Variants in BCAT1 observed in about 807,000 individuals in gnomAD.
BCAT1 encodes the protein branched chain amino acid transaminase 1.
A neutral mutation model predicts 52.4 loss-of-function variants in BCAT1; 48 were observed. That is an observed-to-expected ratio of 0.92 (90% CI 0.73 to 1.16). BCAT1 has a LOEUF of 1.16. BCAT1 is among the 50% of genes most tolerant of loss of function. The pLI is 0.00. For synonymous variants in BCAT1, 167 were observed against 161.3 expected, an observed-to-expected ratio of 1.04 and a Z score of -0.27; for missense variants, 451 against 457.1, an observed-to-expected ratio of 0.99 and a Z score of 0.12.
At chr12:24,835,398 A>G (rs974030971) in intron 8 of BCAT1, among the ~76,000 whole-genome samples, 2 of 152,182 alleles carry the variant, frequency 1.3e-5, no homozygotes, top group African/African-American at 4.8e-5. Context: ...CTTTGACCAC[A>G]GTAAGCTCAA....
chr12:24,887,875 T>A lies in BCAT1; in HGVS notation c.279+6400A>T, dbSNP rs564173173. Among the ~76,000 whole-genome samples the A allele has an allele frequency of 2.0e-4, 30 of 152,312 alleles. No individual in the cohort carries two copies. The East Asian group carries it at 5.6e-3, about 28-fold the overall frequency. On this transcript the variant is annotated intron_variant, in intron 3 of 10. Transcript: ENST00000261192. Reference sequence around the variant, plus strand: ...ATCACTATTTGAAACTTTCAGATATTAAAAATTACTTTCAGATATTAACAG... The same window carrying A: ...ATCACTATTTGAAACTTTCAGATATAAAAAATTACTTTCAGATATTAACAG...
intron 1 of BCAT1, among the ~76,000 whole-genome samples, chr12:24,916,872 C>T (rs1943418502): frequency 6.6e-6 from 1 of 152,146 alleles, no homozygotes; most frequent in African/African-American, 2.4e-5. Context: ...ATGCAAATAA[C>T]TATATTGCCA....
At chr12:24,911,059 G>C (rs1385465701) in intron 1 of BCAT1, among the ~76,000 whole-genome samples, 1 of 150,516 alleles carries the variant, frequency 6.6e-6, no homozygotes, top group East Asian at 1.9e-4. Flanking sequence ...AGCCAAGATC[G>C]CACTACTGAC....
chr12:24,868,373 G>A (rs945692539), intron 5 of BCAT1, among the ~76,000 whole-genome samples: 2 of 152,098 alleles, frequency 1.3e-5, no homozygotes, highest in African/African-American at 4.8e-5. Flanking sequence ...AAAATGAAAA[G>A]ATCTCCAAGA....
At chr12:24,834,773 G>A in intron 8 of BCAT1, 15 of 1,156,024 alleles carry the variant, frequency 1.3e-5, no homozygotes, top group South Asian at 1.8e-5. Context: ...CAGAAAATCA[G>A]GCAAATTAAT....
At chr12:24,889,431 C>T (rs1565484277) in intron 3 of BCAT1, among the ~76,000 whole-genome samples, 1 of 152,200 alleles carries the variant, frequency 6.6e-6, no homozygotes, top group Non-Finnish European at 1.5e-5. Context: ...TATTTCCAGT[C>T]CCCCATGCTC....
intron 6 of BCAT1, among the ~76,000 whole-genome samples, chr12:24,842,557 T>G (rs1591798090): frequency 1.3e-5 from 2 of 152,172 alleles, no homozygotes; most frequent in East Asian, 3.8e-4. Flanking sequence ...CAATTTTACA[T>G]GAATTATTTC....
At chr12:24,923,992 G>A (rs539799575) in intron 1 of BCAT1, among the ~76,000 whole-genome samples, 1 of 152,294 alleles carries the variant, frequency 6.6e-6, no homozygotes, top group South Asian at 2.1e-4. Context: ...AACAATACAA[G>A]TTGATTTTTC....
At chr12:24,903,081 C>G in intron 1 of BCAT1, 1 of 1,384,008 alleles carries the variant, frequency 7.2e-7, no homozygotes, top group Non-Finnish European at 9.3e-7. Context: ...CAAGCCCCGG[C>G]GCACGGCCCA....
intron 8 of BCAT1, chr12:24,833,994 T>A: frequency 4.1e-6 from 1 of 246,534 alleles, no homozygotes; most frequent in Non-Finnish European, 6.5e-6. Context: ...CTAGGTTTTA[T>A]ATTTTATATT....
chr12:24,853,460 G>C (rs1464194118), intron 5 of BCAT1, among the ~76,000 whole-genome samples: 2 of 152,054 alleles, frequency 1.3e-5, no homozygotes, highest in South Asian at 2.1e-4. Flanking sequence ...AGAGGGGGAG[G>C]GGAAAAGTGT....
intron 5 of BCAT1, among the ~76,000 whole-genome samples, chr12:24,855,611 C>T (rs1438116569): frequency 2.6e-5 from 4 of 151,982 alleles, no homozygotes; most frequent in African/African-American, 9.7e-5. Context: ...AAATCCCTGA[C>T]CTCAAGTGAT....
intron 3 of BCAT1, among the ~76,000 whole-genome samples, chr12:24,882,656 T>C (rs886207877): frequency 6.6e-5 from 10 of 151,828 alleles, no homozygotes; most frequent in African/African-American, 2.4e-4. Context: ...TGAAGTTCAG[T>C]GGCAAGATCT....
intron 4 of BCAT1, 85 bp downstream of exon 4, chr12:24,881,216 C>A: frequency 1.1e-6 from 1 of 928,634 alleles, no homozygotes; most frequent in Non-Finnish European, 1.7e-6. Flanking sequence ...ATTTATCTAA[C>A]TATTCAGAAA....
intron 10 of BCAT1, among the ~76,000 whole-genome samples, chr12:24,824,320 G>A (rs1467667639): frequency 7.3e-6 from 1 of 137,786 alleles, no homozygotes; most frequent in Non-Finnish European, 1.5e-5. Flanking sequence ...TCGAGACAGG[G>A]TCTCTTTCTA....
chr12:24,904,156 T>C (rs1182444474), intron 1 of BCAT1: 1 of 152,288 alleles, frequency 6.6e-6, no homozygotes, highest in Non-Finnish European at 1.5e-5. Context: ...CGTACCACCA[T>C]AGAGCGGCGA....
intron 4 of BCAT1, among the ~76,000 whole-genome samples, chr12:24,879,725 C>T (rs1942440224): frequency 6.6e-6 from 1 of 152,304 alleles, no homozygotes; most frequent in East Asian, 1.9e-4. Context: ...TAATTTCTTG[C>T]CCTGTCCTTT....
At chr12:24,902,732 G>T in intron 1 of BCAT1, 1 of 708,228 alleles carries the variant, frequency 1.4e-6, no homozygotes. Flanking sequence ...GACCTGGGCA[G>T]CGGGAACCTC....
intron 3 of BCAT1, among the ~76,000 whole-genome samples, chr12:24,887,619 T>C (rs1942720030): frequency 6.6e-6 from 1 of 152,236 alleles, no homozygotes; most frequent in African/African-American, 2.4e-5. Context: ...TTCTGTGATG[T>C]TCAACTGTTC....
Sources: gnomAD v4.1 joint callset for allele counts (sites outside exome capture counted in the v4.1 genomes callset) on GRCh38, gnomAD v4.1.1 for gene constraint, MANE v1.5 for transcripts, NCBI Gene and HGNC (gene_info 2026-07-23, HGNC 2026-07-21) for gene names.